VPS35: variants seen among roughly 807,000 people sequenced by gnomAD.
The protein encoded by VPS35 is VPS35 retromer complex component, also known as vacuolar protein sorting-associated protein 35.
In VPS35, 21 loss-of-function variants were observed where a neutral mutation model predicts 98.1. The observed-to-expected ratio is 0.21, with a 90% confidence interval of 0.15 to 0.31. The LOEUF (loss-of-function observed/expected upper bound fraction) is 0.31, where lower values mean the gene tolerates loss of function less well. Among genes scored for constraint, VPS35 ranks in the 10% least tolerant of loss-of-function variants. VPS35 has a pLI of 1.00. For missense variants in VPS35, 554 were observed against 950.8 expected, an observed-to-expected ratio of 0.58 and a Z score of 5.49; for synonymous variants, 268 against 318.2, an observed-to-expected ratio of 0.84 and a Z score of 1.68.
chr16:46,685,541 G>T (rs1249399439), intron 1 of VPS35, among the ~76,000 whole-genome samples: 1 of 152,086 alleles, frequency 6.6e-6, no homozygotes, highest in East Asian at 1.9e-4. Context: ...AAATTTCAAA[G>T]AAGAAGTTAG....
At chr16:46,676,161 GAT>G (rs1163570688) in intron 8 of VPS35, among the ~76,000 whole-genome samples, 1 of 150,182 alleles carries the variant, frequency 6.7e-6, no homozygotes, top group Non-Finnish European at 1.5e-5. Context: ...AAAATGTGAT[GAT>G]AGAGTGATTA....
In VPS35 at chr16:46,680,784, T is replaced by C; in HGVS notation, c.393A>G (p.Lys131=). 2 of 1,614,070 alleles carry C rather than the reference T, an allele frequency of 1.2e-6. No individual in the cohort carries two copies. The highest frequency in any genetic ancestry group is 3.3e-5 in the Admixed American group (2 of 60,006). The change falls in exon 5 of 17, where the codon AAA becomes AAG. Residue 131 remains lysine, a synonymous_variant. Transcript: ENST00000299138. ...CACCACGGCACATTTCTACCAAATC[T>C]TTCAAAATATCCTTCCTGGACTGAG... ...SFPQSRKDIL[K]DLVEMCRGVQ... is the part of the protein sequence containing the mutation.
chr16:46,681,197 T>C (rs1015740522), intron 4 of VPS35, among the ~76,000 whole-genome samples, 180 bp downstream of exon 4: 1 of 152,058 alleles, frequency 6.6e-6, no homozygotes, highest in Non-Finnish European at 1.5e-5. Flanking sequence ...ATTCCTCAAA[T>C]ATCTACATAA....
chr16:46,688,981 T>G (rs1235997547), intron 1 of VPS35, 150 bp downstream of exon 1: 1 of 1,528,352 alleles, frequency 6.5e-7, no homozygotes, highest in African/African-American at 1.4e-5. Flanking sequence ...TTCCTCCTGC[T>G]GTCCCCTATC....
At chr16:46,681,638 A>T in intron 3 of VPS35, 138 bp from the exon 4 acceptor site, 1 of 1,031,238 alleles carries the variant, frequency 9.7e-7, no homozygotes. Flanking sequence ...GCGAAGGATG[A>T]ATTTTAGCCG....
At chr16:46,667,023 A>C (rs961796540) in intron 13 of VPS35, among the ~76,000 whole-genome samples, 4 of 152,142 alleles carry the variant, frequency 2.6e-5, no homozygotes, top group African/African-American at 9.7e-5. Context: ...TTCTAGTTTC[A>C]GTTTTTTGAG....
At chr16:46,678,852 T>G in intron 6 of VPS35, 91 bp downstream of exon 6, 1 of 1,320,778 alleles carries the variant, frequency 7.6e-7, no homozygotes, top group African/African-American at 1.5e-5. Context: ...TGTTTTTCAA[T>G]GTACTATTGT....
chr16:46,687,875 G>A (rs1365924045), intron 1 of VPS35, among the ~76,000 whole-genome samples: 1 of 152,054 alleles, frequency 6.6e-6, no homozygotes, highest in East Asian at 1.9e-4. Flanking sequence ...AATTCATGAG[G>A]ACAAGACTGT....
chr16:46,685,254 T>C (rs1054987695), intron 1 of VPS35, among the ~76,000 whole-genome samples: 21 of 152,202 alleles, frequency 1.4e-4, no homozygotes, highest in Non-Finnish European at 2.9e-4. Flanking sequence ...GGCAAGGACT[T>C]ACACATCAAC....
In VPS35 at chr16:46,669,016, C is replaced by T. The variant is rs1184784682; in HGVS notation, c.1561G>A (p.Gly521Arg). The change falls in exon 13 of 17, where the codon GGA (glycine) becomes AGA (arginine). Residue 521 changes from glycine to arginine, a missense_variant. Coordinates refer to ENST00000299138, the MANE Select transcript of VPS35 (RefSeq NM_018206.6). ...AGTGTGAAGCGAATCCGCTGATTTCCACCAGCTCCAAAATGTTTTCGTGCT... is the reference window on the plus strand; with the variant it reads ...AGTGTGAAGCGAATCCGCTGATTTCTACCAGCTCCAAAATGTTTTCGTGCT... The part of the protein sequence containing the change: ...NTARKHFGAG[G>R]NQRIRFTLPP... 1 of 1,614,040 alleles carries T rather than the reference C, an allele frequency of 6.2e-7. No homozygotes were observed. Among genetic ancestry groups the T allele is most frequent in the Non-Finnish European group, 8.5e-7 (1 of 1,180,030 alleles).
chr16:46,677,459 T>C lies in VPS35; in HGVS notation c.721-61A>G, dbSNP rs772780863. The C allele has an allele frequency of 4.3e-6, 6 of 1,383,228 alleles. No individual in the cohort carries two copies. In the East Asian group the frequency reaches 1.4e-4, roughly 32 times the overall value. The allele number at this position is 1,383,228 out of a possible 1,614,324, so 85.7% of individuals were successfully genotyped here. ...TGTTTTCAAAATCTTAAGCTATTCC[T>C]CTAGTAACGCATTTGAACTACTAAC... is the stretch of plus-strand genomic sequence containing the variant. On this transcript the variant is annotated intron_variant, in intron 6 of 16. Coordinates refer to ENST00000299138, the MANE Select transcript of VPS35 (RefSeq NM_018206.6).
At chr16:46,687,838 G>A (rs1004527096) in intron 1 of VPS35, among the ~76,000 whole-genome samples, 1 of 152,000 alleles carries the variant, frequency 6.6e-6, no homozygotes, top group Non-Finnish European at 1.5e-5. Flanking sequence ...GTGAAAGAAC[G>A]AATACTCAAG....
chr16:46,669,071 AG>A lies in VPS35; in HGVS notation c.1525-20del, dbSNP rs753012440. 3 of 1,613,728 alleles carry A rather than the reference AG, an allele frequency of 1.9e-6. No homozygotes were observed. The highest frequency in any genetic ancestry group is 1.3e-5 in the African/African-American group (1 of 74,930). ...TCAAAATCTGACCCAAAAGCATTAA[AG>A]AAAAAAAAATTTCCAAACTCTGATT... On this transcript the variant is annotated intron_variant, in intron 12 of 16. Transcript: ENST00000299138.
chr16:46,681,521 CTAAAAA>C, intron 3 of VPS35, 21 bp from the exon 4 acceptor site: 2 of 1,610,860 alleles, frequency 1.2e-6, no homozygotes, highest in Non-Finnish European at 1.7e-6. Context: ...TGATTAAGGA[CTAAAAA>C]TAAAAATAAG....
chr16:46,687,459 G>T (rs1966334718), intron 1 of VPS35, among the ~76,000 whole-genome samples: 1 of 152,116 alleles, frequency 6.6e-6, no homozygotes. Flanking sequence ...TCCACCTGGA[G>T]AATTTCTTTC....
chr16:46,675,847 T>G (rs1966141703), intron 8 of VPS35, among the ~76,000 whole-genome samples: 1 of 151,920 alleles, frequency 6.6e-6, no homozygotes, highest in African/African-American at 2.4e-5. Flanking sequence ...GGCAGATCAT[T>G]TGAGCTCAGG....
intron 13 of VPS35, among the ~76,000 whole-genome samples, chr16:46,665,098 T>C (rs906736758): frequency 6.6e-6 from 1 of 152,232 alleles, no homozygotes; most frequent in Non-Finnish European, 1.5e-5. Flanking sequence ...AGAAGTATTA[T>C]AGTAATTCAC....
chr16:46,683,342 T>C (rs1406825058), intron 2 of VPS35, 166 bp downstream of exon 2: 2 of 680,092 alleles, frequency 2.9e-6, no homozygotes, highest in African/African-American at 3.6e-5. Context: ...CAGGGCTCTT[T>C]GTTGAAATTG....
At chr16:46,681,079 A>G (rs1200461805) in intron 4 of VPS35, among the ~76,000 whole-genome samples, 1 of 151,500 alleles carries the variant, frequency 6.6e-6, no homozygotes, top group Non-Finnish European at 1.5e-5. Context: ...TATATACAAC[A>G]TAGATATTAC....
Sources: gnomAD v4.1 joint callset for allele counts (sites outside exome capture counted in the v4.1 genomes callset) on GRCh38, gnomAD v4.1.1 for gene constraint, MANE v1.5 for transcripts, NCBI Gene and HGNC (gene_info 2026-07-23, HGNC 2026-07-21) for gene names.